The following ASIC2 variants were observed in gnomAD, a reference collection of about 807,000 sequenced individuals.
ASIC2 encodes acid-sensing ion channel 2.
ASIC2 carries 25 observed loss-of-function variants against 57.3 expected under a neutral mutation model. The ratio of observed to expected loss-of-function variants is 0.44; its 90% confidence interval spans 0.32 to 0.61. The LOEUF is 0.61. Ranked by LOEUF, ASIC2 falls within the 20% of genes least tolerant of loss-of-function variation. The pLI, the probability that ASIC2 is intolerant of heterozygous loss-of-function variation, is 0.06. For missense variants in ASIC2, 641 were observed against 738.1 expected (o/e 0.87, Z 1.52); for synonymous variants, 319 against 307.5 (o/e 1.04, Z -0.39).
chr17:34,068,785 TA>T (rs1909272330), intron 1 of ASIC2, among the ~76,000 whole-genome samples: 1 of 152,198 alleles, frequency 6.6e-6, no homozygotes, highest in Non-Finnish European at 1.5e-5. Context: ...CCTGGCATGG[TA>T]TTGGACTTTC....
chr17:33,458,268 G>A (rs1171907445), intron 1 of ASIC2, among the ~76,000 whole-genome samples: 1 of 152,236 alleles, frequency 6.6e-6, no homozygotes, highest in Non-Finnish European at 1.5e-5. Context: ...TTAGAGTCAA[G>A]AGAGGTCAGA....
intron 1 of ASIC2, among the ~76,000 whole-genome samples, chr17:33,413,613 C>T (rs1910738673): frequency 6.6e-6 from 1 of 152,208 alleles, no homozygotes; most frequent in Non-Finnish European, 1.5e-5. Flanking sequence ...TCCTGCCACG[C>T]CCATTCTCCC....
chr17:33,504,883 T>G (rs1458172787), intron 1 of ASIC2, among the ~76,000 whole-genome samples: 1 of 152,180 alleles, frequency 6.6e-6, no homozygotes, highest in Non-Finnish European at 1.5e-5. Context: ...AGAGTTTAAA[T>G]CTACCCTATC....
chr17:33,789,950 A>G (rs1016540520), intron 1 of ASIC2, among the ~76,000 whole-genome samples: 2 of 152,192 alleles, frequency 1.3e-5, no homozygotes, highest in Non-Finnish European at 2.9e-5. Flanking sequence ...GTGCAGAATG[A>G]CGTGGGTCAT....
intron 1 of ASIC2, among the ~76,000 whole-genome samples, chr17:33,848,595 A>G (rs1170228557): frequency 6.6e-6 from 1 of 152,202 alleles, no homozygotes; most frequent in African/African-American, 2.4e-5. Context: ...TGCAGAGTTG[A>G]CTTGTCTCGT....
rs1039507356 is a variant in ASIC2, at chr17:34,021,837, G to T, written c.555+134141C>A. On this transcript the variant is annotated intron_variant, in intron 1 of 9. Transcript: ENST00000359872. ...TGTTGTTGGTTTTGTGTTTTGTTTT[G>T]TTTTTTTTTTTTTTTTTTGAGACAG... Among the ~76,000 whole-genome samples the T allele has an allele frequency of 3.6e-3, 428 of 118,270 alleles. 3 individuals are homozygous for T. Among genetic ancestry groups the T allele is most frequent in the African/African-American group, 9.2e-3 (295 of 32,142 alleles). 77.6% of individuals were successfully genotyped at this position (118,270 alleles called of 152,430 possible). A position where few individuals can be genotyped will look rare whatever the true frequency, so the allele number is the denominator to read the frequency against.
chr17:33,922,642 A>C (rs1182132493), intron 1 of ASIC2, among the ~76,000 whole-genome samples: 5 of 152,232 alleles, frequency 3.3e-5, no homozygotes, highest in African/African-American at 1.2e-4. Context: ...TTTTACACAT[A>C]TAATATCATT....
At chr17:33,605,762 T>G (rs1172594112) in intron 1 of ASIC2, among the ~76,000 whole-genome samples, 15 of 152,186 alleles carry the variant, frequency 9.9e-5, no homozygotes, top group Non-Finnish European at 2.1e-4. Context: ...CTGCAAACCT[T>G]AGACACAGCA....
At chr17:33,117,544 G>T (rs1334972933) in intron 1 of ASIC2, among the ~76,000 whole-genome samples, 3 of 152,174 alleles carry the variant, frequency 2.0e-5, no homozygotes, top group Non-Finnish European at 4.4e-5. Flanking sequence ...TCCAGAAATG[G>T]AGAATCTGAG....
chr17:33,383,807 T>C (rs1398892221), intron 1 of ASIC2, among the ~76,000 whole-genome samples: 8 of 152,190 alleles, frequency 5.3e-5, no homozygotes, highest in Admixed American at 5.2e-4. Context: ...GGATCCAAAA[T>C]GATCGCAATA....
At position 33,988,094 on chromosome 17, in the gene ASIC2, G is replaced by A. The variant is rs1236507471; in HGVS notation, c.555+167884C>T. Among the ~76,000 whole-genome samples the A allele has an allele frequency of 5.9e-5, 9 of 152,130 alleles. 1 individual carries two copies. Among genetic ancestry groups the A allele is most frequent in the Admixed American group, 5.2e-4 (8 of 15,268 alleles). On this transcript the variant is annotated intron_variant, in intron 1 of 9. Coordinates refer to the ASIC2 transcript ENST00000359872. Reference sequence around the variant, plus strand: ...TGCATTAGGCTAGAAGGGATTGGGAGGAAGAGCATACATAAGAGACCTGAG... The same window carrying A: ...TGCATTAGGCTAGAAGGGATTGGGAAGAAGAGCATACATAAGAGACCTGAG...
intron 1 of ASIC2, among the ~76,000 whole-genome samples, chr17:33,741,092 C>T (rs958721655): frequency 1.3e-5 from 2 of 152,104 alleles, no homozygotes; most frequent in African/African-American, 2.4e-5. Context: ...ACGGAGCTGT[C>T]GAAGGGGCTT....
chr17:33,963,201 T>C (rs932310798), intron 1 of ASIC2, among the ~76,000 whole-genome samples: 3 of 152,194 alleles, frequency 2.0e-5, no homozygotes, highest in Middle Eastern at 3.4e-3. Flanking sequence ...CCAACTACAC[T>C]TCTACCAACC....
intron 4 of ASIC2, 37 bp downstream of exon 4, chr17:33,028,205 T>TC (rs1328611343): frequency 6.9e-7 from 1 of 1,457,164 alleles, no homozygotes; most frequent in Non-Finnish European, 9.0e-7. Context: ...CCCAGGCAGA[T>TC]CCCAGGGCCC....
intron 1 of ASIC2, among the ~76,000 whole-genome samples, chr17:33,837,262 G>A (rs1029661870): frequency 6.6e-6 from 1 of 152,178 alleles, no homozygotes; most frequent in Non-Finnish European, 1.5e-5. Context: ...GGACAGTCCC[G>A]AAGGCCTAAG....
chr17:33,272,590 T>C (rs1490405496), intron 1 of ASIC2, among the ~76,000 whole-genome samples: 1 of 152,068 alleles, frequency 6.6e-6, no homozygotes, highest in African/African-American at 2.4e-5. Flanking sequence ...TGTATTGTCA[T>C]CATCATCATC....
At chr17:33,067,128 C>T (rs1162817909) in intron 3 of ASIC2, among the ~76,000 whole-genome samples, 1 of 134,740 alleles carries the variant, frequency 7.4e-6, no homozygotes, top group African/African-American at 2.5e-5. Context: ...TTCTAATGGC[C>T]AAAATAGAGT....
At chr17:33,550,974 T>G (rs1355760178) in intron 1 of ASIC2, among the ~76,000 whole-genome samples, 1 of 152,198 alleles carries the variant, frequency 6.6e-6, no homozygotes, top group Non-Finnish European at 1.5e-5. Flanking sequence ...GTGGGCTTAA[T>G]GCAAAGCTAA....
chr17:33,244,163 G>A (rs1403085069), intron 1 of ASIC2, among the ~76,000 whole-genome samples: 2 of 152,212 alleles, frequency 1.3e-5, no homozygotes, highest in Admixed American at 1.3e-4. Context: ...AGGAAGTGTA[G>A]GGACATGCTA....
Sources: allele counts gnomAD v4.1 joint callset (sites outside exome capture counted in the v4.1 genomes callset), GRCh38; gene constraint gnomAD v4.1.1; transcripts MANE v1.5; gene names NCBI Gene and HGNC (gene_info 2026-07-23, HGNC 2026-07-21).